Variants in VSIG10 observed in about 807,000 individuals in gnomAD.
VSIG10 encodes V-set and immunoglobulin domain containing 10, also known as V-set and immunoglobulin domain-containing protein 10.
A neutral mutation model predicts 58.7 loss-of-function variants in VSIG10; 48 were observed. That is an observed-to-expected ratio of 0.82 (90% CI 0.65 to 1.04). The LOEUF is 1.04. Among genes scored for constraint, VSIG10 ranks in the 50% least tolerant of loss-of-function variants. The pLI is 0.00. For missense variants in VSIG10, 628 were observed against 670.0 expected, an observed-to-expected ratio of 0.94 and a Z score of 0.69; for synonymous variants, 260 against 267.1, an observed-to-expected ratio of 0.97 and a Z score of 0.26.
chr12:118,099,525 A>G (rs900885151), intron 1 of VSIG10, among the ~76,000 whole-genome samples: 1 of 152,136 alleles, frequency 6.6e-6, no homozygotes, highest in Non-Finnish European at 1.5e-5. Context: ...AATGCAACCC[A>G]TTTTGCTGAG....
intron 2 of VSIG10, among the ~76,000 whole-genome samples, chr12:118,086,634 C>A (rs960381760): frequency 2.6e-5 from 4 of 152,082 alleles, no homozygotes; most frequent in African/African-American, 9.7e-5. Flanking sequence ...ATGGATCCTG[C>A]CTGTAATCTC....
At position 118,073,968 on chromosome 12, in the gene VSIG10, G is replaced by A; in HGVS notation, c.950C>T (p.Pro317Leu). 1 of 1,579,456 alleles carries A rather than the reference G, an allele frequency of 6.3e-7. No individual in the cohort carries two copies. Among genetic ancestry groups the A allele is most frequent in the Non-Finnish European group, 8.6e-7 (1 of 1,160,900 alleles). Residue 317 changes from proline (P) to leucine (L), a missense_variant, in exon 5 of 9, where the codon CCC becomes CTC. Coordinates refer to ENST00000359236, the MANE Select transcript of VSIG10 (RefSeq NM_019086.6). ...QIRGPSLLSE[P>L]MKTCFTGGNV... ...GCCCCCAGTGAAGCAAGTCTTCATG[G>A]GCTCAGAGAGAAGGGAGGGACCCCC... is the stretch of plus-strand genomic sequence containing the variant.
chr12:118,101,466 T>C (rs1460061316), intron 1 of VSIG10: 2 of 152,140 alleles, frequency 1.3e-5, no homozygotes, highest in Non-Finnish European at 2.9e-5. Context: ...TAAAATATAG[T>C]AACAAGTTTA....
chr12:118,096,712 T>C (rs1288036465), intron 1 of VSIG10, among the ~76,000 whole-genome samples: 1 of 147,700 alleles, frequency 6.8e-6, no homozygotes, highest in East Asian at 2.2e-4. Context: ...TGAGCCACCG[T>C]GCCTGACCAT....
intron 1 of VSIG10, among the ~76,000 whole-genome samples, chr12:118,096,623 C>A (rs1703913875): frequency 1.3e-5 from 2 of 151,128 alleles, no homozygotes; most frequent in African/African-American, 4.8e-5. Context: ...GCATGTAGTC[C>A]CAGCTAGTTG....
At chr12:118,070,967 T>C in intron 7 of VSIG10, 85 bp downstream of exon 7, 1 of 1,505,592 alleles carries the variant, frequency 6.6e-7, no homozygotes, top group Non-Finnish European at 9.1e-7. Flanking sequence ...GTTGCTATTA[T>C]TGTTCTTGTG....
chr12:118,068,471 T>G lies in VSIG10; in HGVS notation c.1473A>C (p.Pro491=). The change falls in exon 8 of 9, where the codon CCA becomes CCC. Residue 491 remains proline, a synonymous_variant. Transcript: ENST00000359236. The part of the protein sequence containing the change: ...QEGAREREEL[P]KEIPKQDHIH... ...TGTGGTCCTGCTTAGGTATTTCTTT[T>G]GGCAACTCCTCTCTCTCACGTGCTC... The G allele has an allele frequency of 6.2e-7, 1 of 1,613,930 alleles. No homozygotes were observed. The highest frequency in any genetic ancestry group is 1.1e-5 in the South Asian group (1 of 91,086).
chr12:118,066,707 A>T lies in VSIG10; in HGVS notation c.1568-13T>A. On this transcript the variant is annotated splice_polypyrimidine_tract_variant and intron_variant, in intron 8 of 8. Coordinates refer to ENST00000359236, the MANE Select transcript of VSIG10 (RefSeq NM_019086.6). ...TCACTGCTGTCATCTGTATGGGGGGAAATAAACCCAATGCTTTGTAATCAG... is the reference window on the plus strand; with the variant it reads ...TCACTGCTGTCATCTGTATGGGGGGTAATAAACCCAATGCTTTGTAATCAG... 1 of 1,587,142 alleles carries T rather than the reference A, an allele frequency of 6.3e-7. No homozygotes were observed. Among genetic ancestry groups the T allele is most frequent in the Non-Finnish European group, 8.6e-7 (1 of 1,164,838 alleles).
At chr12:118,100,357 C>T (rs1373997852) in intron 1 of VSIG10, among the ~76,000 whole-genome samples, 2 of 151,972 alleles carry the variant, frequency 1.3e-5, no homozygotes, top group Non-Finnish European at 2.9e-5. Context: ...GTTAGCCGGG[C>T]GTGGTGGCGC....
chr12:118,073,273 C>G (rs1467272319), intron 5 of VSIG10, among the ~76,000 whole-genome samples: 3 of 152,194 alleles, frequency 2.0e-5, no homozygotes, highest in Non-Finnish European at 4.4e-5. Context: ...GATCCACCCG[C>G]CTCGGCCTCC....
intron 1 of VSIG10, 109 bp from the exon 2 acceptor site, chr12:118,095,923 CTTTTTTTTT>C (rs1030344556): frequency 2.6e-6 from 2 of 757,680 alleles, no homozygotes; most frequent in Non-Finnish European, 3.7e-6. Flanking sequence ...GGTATATGTT[CTTTTTTTTT>C]TTTTTTTTTT....
rs755227482 is a variant in VSIG10, at chr12:118,082,377, G to A, written c.414C>T (p.Asn138=). The A allele has an allele frequency of 2.7e-5, 44 of 1,613,702 alleles. No homozygotes were observed. The highest frequency in any genetic ancestry group is 3.3e-4 in the Middle Eastern group (2 of 6,048). ...AGCCCCTGGCTGCGTAGAGGGTGCC[G>A]TTGGGGAGTGTGCCGGTGGCCACGA... ...VHIVATGTLP[N]GTLYAARGSQ... Residue 138 remains asparagine (N), a synonymous_variant, in exon 3 of 9, where the codon AAC becomes AAT. Transcript: ENST00000359236.
chr12:118,083,306 G>A (rs574474253), intron 2 of VSIG10, among the ~76,000 whole-genome samples: 4 of 151,696 alleles, frequency 2.6e-5, no homozygotes, highest in Admixed American at 6.6e-5. Context: ...GGGCCAGCAC[G>A]GTGGCTCATT....
intron 3 of VSIG10, 109 bp downstream of exon 3, chr12:118,082,017 TA>T (rs11413291): frequency 0.13 from 107,769 of 835,636 alleles, 1 homozygote; most frequent in South Asian, 0.15. Context: ...AACTCCATCT[TA>T]AAAAAAAAAA....
At chr12:118,078,595 A>G (rs1041763640) in intron 4 of VSIG10, among the ~76,000 whole-genome samples, 1 of 152,074 alleles carries the variant, frequency 6.6e-6, no homozygotes, top group East Asian at 1.9e-4. Context: ...ACCAGAAGCC[A>G]AGCAGATGCT....
chr12:118,095,504 C>T (rs776281060), intron 2 of VSIG10, 29 bp downstream of exon 2: 6 of 1,611,894 alleles, frequency 3.7e-6, no homozygotes, highest in African/African-American at 2.7e-5. Flanking sequence ...AGCACCTCTC[C>T]AGCCCCGGTC....
intron 4 of VSIG10, among the ~76,000 whole-genome samples, chr12:118,076,738 C>T (rs936352701): frequency 2.6e-5 from 4 of 152,068 alleles, no homozygotes; most frequent in African/African-American, 9.7e-5. Flanking sequence ...TCACTGCAGC[C>T]TCAACCTCCT....
At position 118,079,451 on chromosome 12, in the gene VSIG10, C is replaced by T. The variant is rs145604064; in HGVS notation, c.820G>A (p.Val274Met). The change falls in exon 4 of 9, where the codon GTG becomes ATG. Residue 274 changes from valine (V) to methionine (M), a missense_variant. Physicochemically the swap from Val to Met is conservative, Grantham distance 21. Transcript: ENST00000359236. The stretch of plus-strand genomic sequence containing the variant: ...AGCTGGGACTCGCTCAGCATTTCCA[C>T]CCCCAGCTTTGACTTCCCCACGATT... ...GVIVGKSKLGVEMLSESQLSD... is the reference protein window; with the variant it reads ...GVIVGKSKLGMEMLSESQLSD... 3.4e-4 allele frequency: 555 copies of T among 1,614,014 alleles called. 10 individuals are homozygous for T. The East Asian group carries it at 0.012, about 35-fold the overall frequency.
In VSIG10 at chr12:118,082,196, A is replaced by C; in HGVS notation, c.595T>G (p.Tyr199Asp). 6.2e-7 allele frequency: 1 copy of C among 1,613,972 alleles called. No individual in the cohort carries two copies. Among genetic ancestry groups the C allele is most frequent in the East Asian group, 2.2e-5 (1 of 44,886 alleles). Reference protein sequence around the residue: ...LLISPNLQGNYTCLALNQLSK... With the variant: ...LLISPNLQGNDTCLALNQLSK... ...AGCTGATTCAAGGCTAAACAGGTGT[A>C]GTTCCCTTGGAGGTTTGGCGATATC... The change falls in exon 3 of 9, where the codon TAC becomes GAC. Residue 199 changes from tyrosine (Y) to aspartate (D), a missense_variant. Physicochemically the swap from Tyr to Asp is radical, Grantham distance 160. Coordinates refer to ENST00000359236, the MANE Select transcript of VSIG10 (RefSeq NM_019086.6).
Sources: gnomAD v4.1 joint callset for allele counts (sites outside exome capture counted in the v4.1 genomes callset) on GRCh38, gnomAD v4.1.1 for gene constraint, MANE v1.5 for transcripts, NCBI Gene and HGNC (gene_info 2026-07-23, HGNC 2026-07-21) for gene names.